Variants in CNTN5 observed in about 807,000 individuals in gnomAD.
CNTN5 encodes the protein contactin 5, also known as contactin-5.
In CNTN5, 77 loss-of-function variants were observed where a neutral mutation model predicts 129.1. The observed-to-expected ratio is 0.60, with a 90% CI of 0.50 to 0.72. The LOEUF (loss-of-function observed/expected upper bound fraction) is 0.72, where lower values mean the gene tolerates loss of function less well. Among genes scored for constraint, CNTN5 ranks in the 30% least tolerant of loss-of-function variants. The probability of loss-of-function intolerance (pLI) is 0.00; values close to 1 mark genes in which losing one functional copy is unlikely to be tolerated. For missense variants in CNTN5, 1,478 were observed against 1,328.8 expected, an observed-to-expected ratio of 1.11 and a Z score of -1.75; for synonymous variants, 509 against 465.6, an observed-to-expected ratio of 1.09 and a Z score of -1.20.
intron 18 of CNTN5, among the ~76,000 whole-genome samples, chr11:100,273,141 G>C (rs1461887966): frequency 2.6e-5 from 4 of 152,076 alleles, no homozygotes; most frequent in African/African-American, 4.8e-5. Flanking sequence ...ACACCTGCTT[G>C]CAGGGCGCCC....
At chr11:99,862,996 A>G (rs1948254755) in intron 6 of CNTN5, among the ~76,000 whole-genome samples, 1 of 152,120 alleles carries the variant, frequency 6.6e-6, no homozygotes, top group South Asian at 2.1e-4. Context: ...TATAAATAGC[A>G]ATCTAGGTCA....
At chr11:99,327,779 A>G (rs1865844640) in intron 2 of CNTN5, among the ~76,000 whole-genome samples, 1 of 152,186 alleles carries the variant, frequency 6.6e-6, no homozygotes, top group Admixed American at 6.5e-5. Context: ...TTTCATCTTG[A>G]CACAACCAAC....
intron 1 of CNTN5, among the ~76,000 whole-genome samples, chr11:99,056,311 TTTTAA>T (rs1864623028): frequency 6.6e-6 from 1 of 152,102 alleles, no homozygotes; most frequent in South Asian, 2.1e-4. Flanking sequence ...TGTGTACTTG[TTTTAA>T]TTTAAGCATA....
intron 7 of CNTN5, among the ~76,000 whole-genome samples, chr11:99,941,703 G>T (rs1565701825): frequency 6.6e-6 from 1 of 151,770 alleles, no homozygotes; most frequent in South Asian, 2.1e-4. Context: ...CCTAAAAGAA[G>T]TTAAGTAATG....
chr11:99,194,746 C>T (rs1858816889), intron 1 of CNTN5, among the ~76,000 whole-genome samples: 1 of 152,146 alleles, frequency 6.6e-6, no homozygotes, highest in Non-Finnish European at 1.5e-5. Flanking sequence ...GCTGGGACTA[C>T]AGGTGCATGC....
Position 100,070,459 on chromosome 11 carries a change from C to G in CNTN5, c.1198C>G (p.Gln400Glu), listed in dbSNP as rs754954263. Residue 400 changes from glutamine (Q) to glutamate (E), a missense_variant, in exon 11 of 25, where the codon CAG (glutamine) becomes GAG (glutamate). Transcript: ENST00000524871. ...PHWVEKLNDT[Q>E]LDSGSPLRWE... Reference sequence around the variant, plus strand: ...CTGGGTAGAAAAACTGAATGATACTCAGTTAGACAGTGGGAGCCCTCTCCG... The same window carrying G: ...CTGGGTAGAAAAACTGAATGATACTGAGTTAGACAGTGGGAGCCCTCTCCG... The G allele has an allele frequency of 1.9e-6, 3 of 1,612,342 alleles. No individual in the cohort carries two copies. The East Asian group carries it at 6.7e-5, about 36-fold the overall frequency.
chr11:99,796,324 G>A (rs1422924346), intron 3 of CNTN5, among the ~76,000 whole-genome samples: 1 of 152,122 alleles, frequency 6.6e-6, no homozygotes, highest in Non-Finnish European at 1.5e-5. Context: ...GTGGTGGAGT[G>A]CATACACACA....
At chr11:99,104,394 G>T (rs1565320159) in intron 1 of CNTN5, among the ~76,000 whole-genome samples, 1 of 152,136 alleles carries the variant, frequency 6.6e-6, no homozygotes, top group African/African-American at 2.4e-5. Context: ...CGACCAAAGC[G>T]GGTGTAGCAT....
At chr11:99,564,498 A>C (rs1180895957) in intron 3 of CNTN5, among the ~76,000 whole-genome samples, 1 of 152,162 alleles carries the variant, frequency 6.6e-6, no homozygotes, top group Non-Finnish European at 1.5e-5. Context: ...AGCTGAACGT[A>C]AAAAAACAAA....
At chr11:100,299,022 T>C (rs1198208176) in intron 19 of CNTN5, 140 bp from the exon 20 acceptor site, 1 of 541,784 alleles carries the variant, frequency 1.8e-6, no homozygotes, top group African/African-American at 1.9e-5. Context: ...GATTGTACTA[T>C]TTTGGCTTCC....
At chr11:100,116,785 A>G (rs2138143646) in intron 13 of CNTN5, among the ~76,000 whole-genome samples, 1 of 152,118 alleles carries the variant, frequency 6.6e-6, no homozygotes, top group South Asian at 2.1e-4. Flanking sequence ...TTCTTCTTAC[A>G]AGTTTGAATT....
chr11:99,624,573 C>G (rs1951063318), intron 3 of CNTN5, among the ~76,000 whole-genome samples: 1 of 152,052 alleles, frequency 6.6e-6, no homozygotes, highest in Non-Finnish European at 1.5e-5. Flanking sequence ...ATTGCCAGAA[C>G]AAGTTTTTGC....
intron 6 of CNTN5, among the ~76,000 whole-genome samples, chr11:99,904,268 A>G (rs1396556634): frequency 6.6e-6 from 1 of 151,988 alleles, no homozygotes; most frequent in Non-Finnish European, 1.5e-5. Flanking sequence ...TCCTAATGCT[A>G]TCGCTCCCCT....
intron 16 of CNTN5, among the ~76,000 whole-genome samples, chr11:100,230,796 T>A (rs550484722): frequency 6.6e-6 from 1 of 152,212 alleles, no homozygotes; most frequent in Non-Finnish European, 1.5e-5. Flanking sequence ...TATTTTGCCA[T>A]TTTGAAACAA....
At chr11:99,670,745 G>A (rs976706304) in intron 3 of CNTN5, among the ~76,000 whole-genome samples, 1 of 152,078 alleles carries the variant, frequency 6.6e-6, no homozygotes, top group African/African-American at 2.4e-5. Flanking sequence ...CTGGTAAAAA[G>A]CACGGTCCCT....
chr11:99,578,857 G>T lies in CNTN5; in HGVS notation c.55+22588G>T, dbSNP rs1012381901. Among the ~76,000 whole-genome samples, 7 of 152,178 alleles carry T rather than the reference G, an allele frequency of 4.6e-5. No homozygotes were observed. In the East Asian group the frequency reaches 7.7e-4, roughly 17 times the overall value. ...AATTAGATCCCATTTGTCAATTTTGGCTTTTGTCGCCATTGCTTTTGGTGT... is the reference window on the plus strand; with the variant it reads ...AATTAGATCCCATTTGTCAATTTTGTCTTTTGTCGCCATTGCTTTTGGTGT... On this transcript the variant is annotated intron_variant, in intron 3 of 24. Transcript: ENST00000524871.
intron 1 of CNTN5, among the ~76,000 whole-genome samples, chr11:99,079,324 C>G (rs555805147): frequency 6.6e-6 from 1 of 152,198 alleles, no homozygotes; most frequent in African/African-American, 2.4e-5. Context: ...GATTTTCCAA[C>G]TCTATCTAGA....
intron 17 of CNTN5, among the ~76,000 whole-genome samples, chr11:100,267,696 G>C (rs1486326319): frequency 6.6e-6 from 1 of 152,100 alleles, no homozygotes; most frequent in African/African-American, 2.4e-5. Flanking sequence ...ATGTAGATGA[G>C]TTTTGAGAGA....
At chr11:99,709,078 T>A (rs1305057014) in intron 3 of CNTN5, among the ~76,000 whole-genome samples, 1 of 151,874 alleles carries the variant, frequency 6.6e-6, no homozygotes, top group Non-Finnish European at 1.5e-5. Context: ...ATTTTCTAAA[T>A]GACATGCAAA....
Sources: gnomAD v4.1 joint callset for allele counts (sites outside exome capture counted in the v4.1 genomes callset) on GRCh38, gnomAD v4.1.1 for gene constraint, MANE v1.5 for transcripts, NCBI Gene and HGNC (gene_info 2026-07-23, HGNC 2026-07-21) for gene names.